VTI1A: variants seen among roughly 807,000 people sequenced by gnomAD.
VTI1A encodes vesicle transport through interaction with t-SNAREs homolog 1A.
Under a neutral mutation model 34.9 loss-of-function variants are expected in VTI1A, and 22 were observed. The observed-to-expected ratio is 0.63, with a 90% CI of 0.45 to 0.90. VTI1A has a LOEUF of 0.90. Among genes scored for constraint, VTI1A ranks in the 40% least tolerant of loss-of-function variants. VTI1A has a pLI of 0.00. For missense variants in VTI1A, 268 were observed against 275.6 expected, an observed-to-expected ratio of 0.97 and a Z score of 0.20; for synonymous variants, 87 against 97.3, an observed-to-expected ratio of 0.89 and a Z score of 0.62.
intron 1 of VTI1A, chr10:112,450,618 A>G (rs1375777226): frequency 2.0e-5 from 3 of 152,238 alleles, no homozygotes; most frequent in Non-Finnish European, 4.4e-5. Context: ...GTATTAAAGT[A>G]TTGCTTCCAA....
At chr10:112,561,777 A>G (rs1230876395) in intron 5 of VTI1A, among the ~76,000 whole-genome samples, 1 of 152,200 alleles carries the variant, frequency 6.6e-6, no homozygotes, top group East Asian at 1.9e-4. Flanking sequence ...TCTGGAAAAA[A>G]GTCTTTAAAG....
intron 5 of VTI1A, 149 bp downstream of exon 5, chr10:112,538,479 C>A (rs1412249430): frequency 9.0e-6 from 6 of 664,160 alleles, no homozygotes; most frequent in Admixed American, 2.9e-5. Context: ...AGCTTATTTG[C>A]GCTTATCTTT....
chr10:112,510,032 A>G (rs568397303), intron 3 of VTI1A, among the ~76,000 whole-genome samples: 1 of 152,230 alleles, frequency 6.6e-6, no homozygotes, highest in East Asian at 1.9e-4. Context: ...TGTTCTTTGC[A>G]AGGACTAGAA....
intron 7 of VTI1A, among the ~76,000 whole-genome samples, chr10:112,735,564 C>T (rs1261592033): frequency 6.6e-6 from 1 of 152,222 alleles, no homozygotes; most frequent in African/African-American, 2.4e-5. Context: ...GGTTTCCTTA[C>T]ACCAGCCATC....
At chr10:112,725,753 G>T (rs1461020178) in intron 7 of VTI1A, among the ~76,000 whole-genome samples, 2 of 152,148 alleles carry the variant, frequency 1.3e-5, no homozygotes, top group African/African-American at 4.8e-5. Flanking sequence ...TCAGATTATT[G>T]AATGGCACCA....
intron 5 of VTI1A, among the ~76,000 whole-genome samples, chr10:112,577,064 T>A (rs918457469): frequency 6.6e-6 from 1 of 152,230 alleles, no homozygotes; most frequent in Non-Finnish European, 1.5e-5. Flanking sequence ...GTTTTAGCTC[T>A]AACTTAGAGC....
At position 112,776,677 on chromosome 10, in the gene VTI1A, A is replaced by ATTT. The variant is rs1161945456; in HGVS notation, c.561-38596_561-38594dup. Among the ~76,000 whole-genome samples, 102 of 131,280 alleles carry ATTT rather than the reference A, an allele frequency of 7.8e-4. 1 individual carries two copies. Among genetic ancestry groups the ATTT allele is most frequent in the African/African-American group, 1.8e-3 (62 of 33,832 alleles). The allele number at this position is 131,280 out of a possible 152,430, so 86.1% of individuals were successfully genotyped here. On this transcript the variant is annotated intron_variant, in intron 7 of 7. Transcript: ENST00000393077. ...CCAAATCTTGAGTTAGGCTGACTTA[A>ATTT]TTTTTTTTTTTTTTTTTTTGAGACG...
chr10:112,576,056 T>C (rs1843697757), intron 5 of VTI1A, among the ~76,000 whole-genome samples: 1 of 148,712 alleles, frequency 6.7e-6, no homozygotes, highest in African/African-American at 2.5e-5. Flanking sequence ...AGTCTCGCTC[T>C]TTCGCCCAGG....
chr10:112,696,270 A>G (rs1848785303), intron 7 of VTI1A, among the ~76,000 whole-genome samples: 1 of 152,032 alleles, frequency 6.6e-6, no homozygotes, highest in Non-Finnish European at 1.5e-5. Flanking sequence ...GACCTGACTA[A>G]CAGTTCTAGC....
chr10:112,467,371 A>G (rs953569277), intron 3 of VTI1A, among the ~76,000 whole-genome samples: 2 of 152,148 alleles, frequency 1.3e-5, no homozygotes, highest in South Asian at 2.1e-4. Context: ...TAGGCCAGGG[A>G]TGTCCAATTT....
chr10:112,766,649 T>C (rs1851655795), intron 7 of VTI1A, among the ~76,000 whole-genome samples: 1 of 144,228 alleles, frequency 6.9e-6, no homozygotes, highest in African/African-American at 2.7e-5. Flanking sequence ...TCAAGGAATA[T>C]GGTCCAAAGA....
chr10:112,796,389 G>C (rs983335945), intron 7 of VTI1A, among the ~76,000 whole-genome samples: 3 of 139,208 alleles, frequency 2.2e-5, no homozygotes, highest in African/African-American at 5.3e-5. Context: ...CTGGGCCCCA[G>C]AGCAAGACTC....
intron 7 of VTI1A, among the ~76,000 whole-genome samples, chr10:112,778,855 G>A (rs1347426807): frequency 6.6e-6 from 1 of 152,160 alleles, no homozygotes; most frequent in Non-Finnish European, 1.5e-5. Flanking sequence ...GTTCAGCTCT[G>A]TGATCCAAGA....
chr10:112,550,168 C>T (rs1283115007), intron 5 of VTI1A, among the ~76,000 whole-genome samples: 4 of 152,172 alleles, frequency 2.6e-5, no homozygotes, highest in African/African-American at 9.7e-5. Flanking sequence ...CATTCTTACT[C>T]TCTTGCATCT....
intron 7 of VTI1A, among the ~76,000 whole-genome samples, chr10:112,804,923 C>A (rs1209721261): frequency 7.8e-6 from 1 of 128,838 alleles, no homozygotes; most frequent in African/African-American, 3.0e-5. Context: ...TGCAGTCGTG[C>A]GATCACAGGT....
intron 3 of VTI1A, among the ~76,000 whole-genome samples, chr10:112,506,779 T>C (rs546843412): frequency 3.3e-4 from 50 of 152,342 alleles, no homozygotes; most frequent in Non-Finnish European, 5.0e-4. Flanking sequence ...GCATTTCTAG[T>C]ACCTCTGGGT....
intron 1 of VTI1A, among the ~76,000 whole-genome samples, chr10:112,454,053 G>T (rs2134018282): frequency 6.6e-6 from 1 of 152,228 alleles, no homozygotes; most frequent in South Asian, 2.1e-4. Context: ...TTTCAACACT[G>T]ACCATTCTAT....
chr10:112,522,631 G>T (rs117490965), intron 3 of VTI1A, among the ~76,000 whole-genome samples: 5 of 152,022 alleles, frequency 3.3e-5, no homozygotes, highest in African/African-American at 1.2e-4. Context: ...GACATTCTAC[G>T]TAGCCATCGA....
intron 7 of VTI1A, among the ~76,000 whole-genome samples, chr10:112,803,447 C>T (rs1252751800): frequency 6.6e-6 from 1 of 152,208 alleles, no homozygotes; most frequent in Non-Finnish European, 1.5e-5. Context: ...GAGTTGCCGT[C>T]AGGTACAGAC....
Sources: allele counts gnomAD v4.1 joint callset (sites outside exome capture counted in the v4.1 genomes callset), GRCh38; gene constraint gnomAD v4.1.1; transcripts MANE v1.5; gene names NCBI Gene and HGNC (gene_info 2026-07-23, HGNC 2026-07-21).